The following MAP7 variants were observed in gnomAD, a reference collection of about 807,000 sequenced individuals.
MAP7 encodes ensconsin.
Under a neutral mutation model 94.8 loss-of-function variants are expected in MAP7, and 52 were observed. The ratio of observed to expected loss-of-function variants is 0.55; its 90% CI spans 0.44 to 0.69. MAP7 has a LOEUF of 0.69. MAP7 is among the 30% of genes least tolerant of loss of function. The pLI, the probability that MAP7 is intolerant of heterozygous loss-of-function variation, is 0.00. For missense variants in MAP7, 940 were observed against 964.6 expected (o/e 0.97, Z 0.34); for synonymous variants, 350 against 357.0 (o/e 0.98, Z 0.22).
chr6:136,377,922 G>A (rs1776699771), intron 6 of MAP7, 54 bp from the exon 7 acceptor site: 1 of 1,288,964 alleles, frequency 7.8e-7, no homozygotes, highest in African/African-American at 1.5e-5. Context: ...AGAGTCAAGA[G>A]GGCATAATAC....
intron 1 of MAP7, among the ~76,000 whole-genome samples, chr6:136,471,331 G>C (rs1281737508): frequency 6.6e-6 from 1 of 152,024 alleles, no homozygotes; most frequent in Non-Finnish European, 1.5e-5. Context: ...CACTTGCTCT[G>C]GACACCCTTC....
At chr6:136,451,204 T>G (rs755244999) in intron 1 of MAP7, among the ~76,000 whole-genome samples, 26 of 152,202 alleles carry the variant, frequency 1.7e-4, no homozygotes, top group South Asian at 6.2e-4. Context: ...CACCTCCCCA[T>G]AACAGGTTTT....
rs1163682505 is a variant in MAP7, at chr6:136,456,816, GAA to G, written c.68-35019_68-35018del. ...AGAAGAAGAAGAAGAAGAAGAAGAA[GAA>G]GAAGGAAGAAGAAGAAGAAGAAGAA... On this transcript the variant is annotated intron_variant, in intron 1 of 17. Transcript: ENST00000354570. Among the ~76,000 whole-genome samples the G allele has an allele frequency of 1.1e-3, 101 of 88,238 alleles. No individual in the cohort carries two copies. The East Asian group carries it at 0.019, about 16-fold the overall frequency. The allele number at this position is 88,238 out of a possible 152,430, so 57.9% of individuals were successfully genotyped here.
chr6:136,507,435 A>G (rs1033139350), intron 1 of MAP7, among the ~76,000 whole-genome samples: 1 of 151,198 alleles, frequency 6.6e-6, no homozygotes, highest in Non-Finnish European at 1.5e-5. Flanking sequence ...ACTTGTTTCA[A>G]GTCTTCCAAA....
intron 1 of MAP7, among the ~76,000 whole-genome samples, chr6:136,489,160 T>C (rs1011104775): frequency 2.1e-5 from 3 of 141,906 alleles, no homozygotes; most frequent in Non-Finnish European, 4.5e-5. Flanking sequence ...CTTCCAAGAG[T>C]AGACTAGTTG....
chr6:136,544,825 T>C (rs1829594579), intron 1 of MAP7, among the ~76,000 whole-genome samples: 1 of 152,176 alleles, frequency 6.6e-6, no homozygotes, highest in Non-Finnish European at 1.5e-5. Context: ...CTGGACACAG[T>C]GGTGCATGCC....
intron 8 of MAP7, 101 bp from the exon 9 acceptor site, chr6:136,366,540 G>GATA: frequency 1.2e-6 from 1 of 832,996 alleles, no homozygotes; most frequent in Non-Finnish European, 2.0e-6. Context: ...TGACTTTTAA[G>GATA]AAATTTTCTT....
At chr6:136,485,378 G>A (rs1436544055) in intron 1 of MAP7, among the ~76,000 whole-genome samples, 1 of 151,944 alleles carries the variant, frequency 6.6e-6, no homozygotes, top group East Asian at 1.9e-4. Flanking sequence ...ATATTGTTTC[G>A]ACACGACATT....
chr6:136,427,234 A>C (rs1042611412), intron 1 of MAP7, among the ~76,000 whole-genome samples: 7 of 152,358 alleles, frequency 4.6e-5, no homozygotes, highest in African/African-American at 1.4e-4. Flanking sequence ...ATGGGACTCC[A>C]GCCACAAACT....
At position 136,414,551 on chromosome 6, in the gene MAP7, G is replaced by C. The variant is rs116130002; in HGVS notation, c.167-2854C>G. On this transcript the variant is annotated intron_variant, in intron 2 of 17. Transcript: ENST00000354570. ...AATGGCATTTTAAAGAAAGAACTCG[G>C]GATAAAAGTCAAGATGAAGTTAAAA... Among the ~76,000 whole-genome samples, 322 of 151,858 alleles carry C rather than the reference G, an allele frequency of 2.1e-3. 1 individual carries two copies. The highest frequency in any genetic ancestry group is 6.8e-3 in the African/African-American group (280 of 41,436).
intron 1 of MAP7, among the ~76,000 whole-genome samples, chr6:136,498,119 T>C (rs1818835318): frequency 6.6e-6 from 1 of 152,130 alleles, no homozygotes; most frequent in African/African-American, 2.4e-5. Context: ...GCTACACCTT[T>C]TCCCCAGAAA....
intron 1 of MAP7, among the ~76,000 whole-genome samples, chr6:136,502,440 T>C (rs1283577700): frequency 1.3e-5 from 2 of 152,260 alleles, no homozygotes; most frequent in Non-Finnish European, 2.9e-5. Flanking sequence ...AACACTCTTT[T>C]GTTGGCACAG....
chr6:136,376,637 G>A (rs987228528), intron 7 of MAP7, among the ~76,000 whole-genome samples: 3 of 152,224 alleles, frequency 2.0e-5, no homozygotes, highest in African/African-American at 7.2e-5. Flanking sequence ...TCAGGGCATT[G>A]AGGATGGAGG....
At chr6:136,458,858 G>A (rs1804231876) in intron 1 of MAP7, among the ~76,000 whole-genome samples, 1 of 152,008 alleles carries the variant, frequency 6.6e-6, no homozygotes, top group Non-Finnish European at 1.5e-5. Context: ...ATGATTTCTT[G>A]AGCATGACAT....
chr6:136,386,473 A>G (rs892261259), intron 5 of MAP7, among the ~76,000 whole-genome samples: 4 of 152,228 alleles, frequency 2.6e-5, no homozygotes, highest in Non-Finnish European at 4.4e-5. Context: ...GTGTGGAGGC[A>G]AAAAATTAAG....
At position 136,360,015 on chromosome 6, in the gene MAP7, A is replaced by T; in HGVS notation, c.1820T>A (p.Met607Lys). ...AGCTTCTGTTCTCCTGGTTCTTTTC[A>T]TAATCTCCTCAAGTCGCTATAGGAA... ...LERKKRLEEI[M>K]KRTRRTEATD... The change falls in exon 14 of 18, where the codon ATG becomes AAG. Residue 607 changes from methionine to lysine, a missense_variant. By Grantham distance (95) the Met-to-Lys change is moderately conservative. Coordinates refer to ENST00000354570, the MANE Select transcript of MAP7 (RefSeq NM_003980.6). The T allele has an allele frequency of 6.2e-7, 1 of 1,613,256 alleles. No homozygotes were observed.
Position 136,377,625 on chromosome 6 carries a change from A to T in MAP7, c.751+130T>A, listed in dbSNP as rs368133004. On this transcript the variant is annotated intron_variant, in intron 7 of 17. Coordinates refer to ENST00000354570, the MANE Select transcript of MAP7 (RefSeq NM_003980.6). Reference sequence around the variant, plus strand: ...GAAACAATGACAGGGGTATGAAACCAACACCGACAGACATTTCCACCGGGG... The same window carrying T: ...GAAACAATGACAGGGGTATGAAACCTACACCGACAGACATTTCCACCGGGG... 1.0e-4 allele frequency: 67 copies of T among 667,826 alleles called. No homozygotes were observed. The East Asian group carries it at 1.0e-3, about 10-fold the overall frequency. The allele number at this position is 667,826 out of a possible 1,614,324, so 41.4% of individuals were successfully genotyped here. A position where few individuals can be genotyped will look rare whatever the true frequency, so the allele number is the denominator to read the frequency against.
intron 1 of MAP7, among the ~76,000 whole-genome samples, chr6:136,475,706 G>C (rs1810650762): frequency 6.6e-6 from 1 of 151,836 alleles, no homozygotes; most frequent in Admixed American, 6.6e-5. Context: ...TGAGAAGGTT[G>C]GTTTACTTTT....
chr6:136,458,833 A>G (rs1373509644), intron 1 of MAP7, among the ~76,000 whole-genome samples: 1 of 152,126 alleles, frequency 6.6e-6, no homozygotes, highest in Non-Finnish European at 1.5e-5. Flanking sequence ...AAGGTTCATG[A>G]CAGTGGTCTT....
Sources: allele counts gnomAD v4.1 joint callset (sites outside exome capture counted in the v4.1 genomes callset), GRCh38; gene constraint gnomAD v4.1.1; transcripts MANE v1.5; gene names NCBI Gene and HGNC (gene_info 2026-07-23, HGNC 2026-07-21).